CSMD1: variants seen among roughly 807,000 people sequenced by gnomAD.
CSMD1 encodes CUB and sushi domain-containing protein 1.
In CSMD1, 213 loss-of-function variants were observed where a neutral mutation model predicts 417.5. The observed-to-expected ratio is 0.51, with a 90% CI of 0.46 to 0.57. CSMD1 has a LOEUF of 0.57. CSMD1 is among the 20% of genes least tolerant of loss of function. CSMD1 has a pLI of 0.00. For missense variants in CSMD1, 6,923 were observed against 4,529.7 expected (o/e 1.53, Z -15.17); for synonymous variants, 2,862 against 1,736.8 (o/e 1.65, Z -16.11).
intron 3 of CSMD1, among the ~76,000 whole-genome samples, chr8:4,044,892 G>C (rs981237025): frequency 1.3e-5 from 2 of 152,142 alleles, no homozygotes; most frequent in Non-Finnish European, 2.9e-5. Flanking sequence ...CTCAGGCCCA[G>C]ACTGACTTCT....
chr8:3,676,581 A>T (rs1385284771), intron 7 of CSMD1, among the ~76,000 whole-genome samples: 1 of 152,182 alleles, frequency 6.6e-6, no homozygotes, highest in Non-Finnish European at 1.5e-5. Context: ...AATCATATAC[A>T]CGGATATATG....
At chr8:4,486,122 CATATATATATAT>C (rs549034961) in intron 2 of CSMD1, among the ~76,000 whole-genome samples, 4 of 126,960 alleles carry the variant, frequency 3.2e-5, no homozygotes, top group South Asian at 2.4e-4. Context: ...TATATACATA[CATATATATATAT>C]ATACATACAT....
At chr8:3,221,322 A>C (rs1483643520) in intron 28 of CSMD1, among the ~76,000 whole-genome samples, 1 of 152,206 alleles carries the variant, frequency 6.6e-6, no homozygotes, top group Admixed American at 6.5e-5. Flanking sequence ...GTCAGGAATG[A>C]AGAAGGAATA....
intron 1 of CSMD1, among the ~76,000 whole-genome samples, chr8:4,701,532 T>A (rs749988056): frequency 1.3e-5 from 2 of 151,936 alleles, no homozygotes; most frequent in Non-Finnish European, 2.9e-5. Context: ...GAAGCATCAA[T>A]GGTGGGCATG....
At chr8:3,819,866 T>A (rs1563112620) in intron 5 of CSMD1, among the ~76,000 whole-genome samples, 1 of 151,816 alleles carries the variant, frequency 6.6e-6, no homozygotes, top group Non-Finnish European at 1.5e-5. Context: ...TTGCAAGGGG[T>A]AAACTAAATC....
chr8:4,241,131 T>A (rs1802373327), intron 3 of CSMD1, among the ~76,000 whole-genome samples: 1 of 152,142 alleles, frequency 6.6e-6, no homozygotes, highest in Admixed American at 6.6e-5. Flanking sequence ...GAACCCTAGC[T>A]TCACTGATGG....
chr8:3,306,159 G>C lies in CSMD1; in HGVS notation c.3950+1536C>G, dbSNP rs567654716. 5.9e-5 allele frequency among the ~76,000 whole-genome samples: 9 copies of C among 151,996 alleles called. No homozygotes were observed. The East Asian group carries it at 7.7e-4, about 13-fold the overall frequency. ...CCCATTTTATTTTTGTTAAGTTATA[G>C]GGTTGCAGTGAAGTAAGTGTATGAT... On this transcript the variant is annotated intron_variant, in intron 25 of 69. Transcript: ENST00000635120.
chr8:3,485,988 A>G (rs960188135), intron 11 of CSMD1, among the ~76,000 whole-genome samples: 2 of 152,056 alleles, frequency 1.3e-5, no homozygotes, highest in African/African-American at 2.4e-5. Context: ...ATGAGCGATT[A>G]GGCAGCATTT....
At chr8:3,304,913 A>AT (rs1804706144) in intron 25 of CSMD1, among the ~76,000 whole-genome samples, 2 of 152,144 alleles carry the variant, frequency 1.3e-5, no homozygotes, top group African/African-American at 4.8e-5. Flanking sequence ...AAGATAAATT[A>AT]TTTTTATATA....
At chr8:3,444,539 T>C (rs968644276) in intron 12 of CSMD1, among the ~76,000 whole-genome samples, 2 of 152,110 alleles carry the variant, frequency 1.3e-5, no homozygotes, top group African/African-American at 2.4e-5. Flanking sequence ...TCTGGAGGCA[T>C]TGGTATTTGC....
intron 2 of CSMD1, among the ~76,000 whole-genome samples, chr8:4,475,701 C>G (rs893045854): frequency 2.0e-5 from 3 of 152,114 alleles, no homozygotes; most frequent in Non-Finnish European, 4.4e-5. Context: ...ACTGCAGCTG[C>G]CTCTGGGTTC....
At chr8:3,277,153 AGT>A (rs1802355558) in intron 26 of CSMD1, among the ~76,000 whole-genome samples, 1 of 152,076 alleles carries the variant, frequency 6.6e-6, no homozygotes, top group African/African-American at 2.4e-5. Context: ...GCTTTGCCAG[AGT>A]GGAGGATGGT....
At chr8:4,593,264 T>G (rs2130738651) in intron 2 of CSMD1, among the ~76,000 whole-genome samples, 1 of 152,338 alleles carries the variant, frequency 6.6e-6, no homozygotes, top group Non-Finnish European at 1.5e-5. Flanking sequence ...ACATGAGCGT[T>G]AATATGATTT....
chr8:3,575,034 T>C lies in CSMD1; in HGVS notation c.1255A>G (p.Ser419Gly), dbSNP rs1383642476. The change falls in exon 10 of 70, where the codon AGC (serine) becomes GGC (glycine). Residue 419 changes from serine (S) to glycine (G), a missense_variant. Physicochemically the swap from Ser to Gly is moderately conservative, Grantham distance 56. Transcript: ENST00000635120. ...RTCGSNLRGP[S>G]GVITSPNYPV... ...TAATTAGGGGAGGTAATGACGCCGC[T>C]GGGCCCACGCAGATTGGATCCACAT... 2 of 1,613,530 alleles carry C rather than the reference T, an allele frequency of 1.2e-6. No individual in the cohort carries two copies. The highest frequency in any genetic ancestry group is 1.1e-5 in the South Asian group (1 of 91,066).
At chr8:3,496,786 C>T (rs572931642) in intron 10 of CSMD1, among the ~76,000 whole-genome samples, 3 of 152,088 alleles carry the variant, frequency 2.0e-5, no homozygotes, top group East Asian at 1.9e-4. Context: ...AGATCACCAC[C>T]GCCACTGCAC....
chr8:3,218,003 C>G (rs1797979610), intron 29 of CSMD1, among the ~76,000 whole-genome samples: 1 of 152,090 alleles, frequency 6.6e-6, no homozygotes, highest in Admixed American at 6.5e-5. Flanking sequence ...TTATTTTGTT[C>G]ACATGAGAAA....
At chr8:3,683,980 T>G (rs1327710753) in intron 7 of CSMD1, among the ~76,000 whole-genome samples, 1 of 151,686 alleles carries the variant, frequency 6.6e-6, no homozygotes, top group Non-Finnish European at 1.5e-5. Flanking sequence ...GATTGAGAAG[T>G]ATGAAGTAAC....
chr8:4,119,648 G>T (rs1802367722), intron 3 of CSMD1, among the ~76,000 whole-genome samples: 1 of 152,138 alleles, frequency 6.6e-6, no homozygotes. Context: ...GAACAAGGAA[G>T]CACACAAGCA....
chr8:4,217,935 G>A (rs1351586765), intron 3 of CSMD1, among the ~76,000 whole-genome samples: 2 of 152,182 alleles, frequency 1.3e-5, no homozygotes, highest in Admixed American at 6.5e-5. Context: ...CAGGAGCAAA[G>A]AAATGTGCAG....
Sources: allele counts gnomAD v4.1 joint callset (sites outside exome capture counted in the v4.1 genomes callset), GRCh38; gene constraint gnomAD v4.1.1; transcripts MANE v1.5; gene names NCBI Gene and HGNC (gene_info 2026-07-23, HGNC 2026-07-21).